Variants in SUCLG2 observed in about 807,000 individuals in gnomAD.
SUCLG2 encodes succinate-CoA ligase GDP-forming subunit beta, also known as succinate--CoA ligase [GDP-forming] subunit beta, mitochondrial.
In SUCLG2, 42 loss-of-function variants were observed where a neutral mutation model predicts 47.9. The ratio of observed to expected loss-of-function variants is 0.88; its 90% CI spans 0.69 to 1.14. The LOEUF is 1.14. Among genes scored for constraint, SUCLG2 ranks in the 50% most tolerant of loss-of-function variants. The probability of loss-of-function intolerance (pLI) is 0.00; values close to 1 mark genes in which losing one functional copy is unlikely to be tolerated. For missense variants in SUCLG2, 571 were observed against 525.9 expected (o/e 1.09, Z -0.84); for synonymous variants, 195 against 197.3 (o/e 0.99, Z 0.10).
At chr3:67,555,961 G>A (rs1575775392) in intron 2 of SUCLG2, among the ~76,000 whole-genome samples, 3 of 152,272 alleles carry the variant, frequency 2.0e-5, no homozygotes, top group Non-Finnish European at 4.4e-5. Context: ...CCTTCTGATG[G>A]GACATATATA....
chr3:67,401,641 T>A (rs74785909), intron 9 of SUCLG2, among the ~76,000 whole-genome samples: 8,056 of 149,896 alleles, frequency 0.054, 683 homozygotes, highest in African/African-American at 0.19. Flanking sequence ...AAATCCTGTA[T>A]AATTAACATG....
chr3:67,422,694 A>G (rs1266961363), intron 9 of SUCLG2, among the ~76,000 whole-genome samples: 2 of 151,980 alleles, frequency 1.3e-5, no homozygotes, highest in African/African-American at 4.8e-5. Flanking sequence ...ACATCTTATA[A>G]ACCATAAAGT....
intron 2 of SUCLG2, among the ~76,000 whole-genome samples, chr3:67,552,521 C>CA (rs2107198092): frequency 6.6e-6 from 1 of 152,318 alleles, no homozygotes; most frequent in Admixed American, 6.5e-5. Context: ...AACTTCTCTG[C>CA]AACACTGTTA....
chr3:67,538,910 T>C (rs1034777879), intron 2 of SUCLG2, among the ~76,000 whole-genome samples: 1 of 152,254 alleles, frequency 6.6e-6, no homozygotes, highest in African/African-American at 2.4e-5. Flanking sequence ...ATTGACTTTG[T>C]ATCCTGAGAC....
chr3:67,646,042 GC>G (rs1377906441), intron 1 of SUCLG2, among the ~76,000 whole-genome samples: 1 of 142,316 alleles, frequency 7.0e-6, no homozygotes, highest in Non-Finnish European at 1.5e-5. Context: ...CTGTGGGCAA[GC>G]CAATCAATGC....
At chr3:67,636,040 C>T (rs546399368) in intron 1 of SUCLG2, among the ~76,000 whole-genome samples, 4 of 152,270 alleles carry the variant, frequency 2.6e-5, no homozygotes, top group East Asian at 1.9e-4. Context: ...CAAGCTCAAG[C>T]GGAGATGTTC....
chr3:67,630,442 G>A (rs765567044), intron 1 of SUCLG2, among the ~76,000 whole-genome samples: 4 of 149,434 alleles, frequency 2.7e-5, no homozygotes, highest in Non-Finnish European at 4.5e-5. Context: ...TGCCATTAAC[G>A]CTATAAGCAT....
chr3:67,470,621 C>A (rs1340209720), intron 9 of SUCLG2, among the ~76,000 whole-genome samples: 2 of 152,182 alleles, frequency 1.3e-5, no homozygotes, highest in African/African-American at 2.4e-5. Flanking sequence ...CTGTCTCATA[C>A]ACTCTCTTGC....
At chr3:67,462,464 C>T (rs1704360848) in intron 9 of SUCLG2, among the ~76,000 whole-genome samples, 1 of 152,104 alleles carries the variant, frequency 6.6e-6, no homozygotes, top group African/African-American at 2.4e-5. Context: ...CAATCATGCC[C>T]ATCCAATGGA....
chr3:67,394,814 A>G (rs1304541091), intron 10 of SUCLG2, among the ~76,000 whole-genome samples: 1 of 151,914 alleles, frequency 6.6e-6, no homozygotes, highest in East Asian at 1.9e-4. Context: ...TCAGACTAAC[A>G]GCGGATCTCT....
At chr3:67,435,559 A>G (rs540928898) in intron 9 of SUCLG2, among the ~76,000 whole-genome samples, 5 of 152,336 alleles carry the variant, frequency 3.3e-5, no homozygotes, top group Admixed American at 3.3e-4. Context: ...CTCAGTGGGG[A>G]GAATGTACAT....
chr3:67,629,944 T>C (rs543020213), intron 1 of SUCLG2, among the ~76,000 whole-genome samples: 11 of 152,274 alleles, frequency 7.2e-5, no homozygotes, highest in African/African-American at 2.4e-4. Context: ...CATTACAGCA[T>C]TCTCTAATCC....
intron 1 of SUCLG2, among the ~76,000 whole-genome samples, chr3:67,615,283 T>C (rs754429978): frequency 3.3e-5 from 5 of 150,714 alleles, no homozygotes; most frequent in Admixed American, 6.6e-5. Context: ...CAAGAAATCA[T>C]CCTTCGCCCC....
intron 2 of SUCLG2, among the ~76,000 whole-genome samples, chr3:67,607,805 G>T (rs1042054165): frequency 3.3e-5 from 5 of 152,108 alleles, no homozygotes; most frequent in African/African-American, 1.2e-4. Context: ...GAGATCTAAT[G>T]GTTTTATAAA....
At chr3:67,485,121 A>AG (rs1258507454) in intron 9 of SUCLG2, among the ~76,000 whole-genome samples, 3 of 152,232 alleles carry the variant, frequency 2.0e-5, no homozygotes, top group Non-Finnish European at 4.4e-5. Context: ...TAGGTAGTTT[A>AG]GCATCCCAGC....
chr3:67,509,339 C>G (rs953911782), intron 6 of SUCLG2, among the ~76,000 whole-genome samples: 1 of 152,160 alleles, frequency 6.6e-6, no homozygotes, highest in Non-Finnish European at 1.5e-5. Flanking sequence ...CAATCCAACC[C>G]ATAATCTGTG....
chr3:67,599,062 C>T (rs533555254), intron 2 of SUCLG2, among the ~76,000 whole-genome samples: 1 of 152,312 alleles, frequency 6.6e-6, no homozygotes, highest in Admixed American at 6.5e-5. Context: ...TTAGGGTATA[C>T]AACTCTGCTA....
At chr3:67,620,528 T>C (rs1340766702) in intron 1 of SUCLG2, among the ~76,000 whole-genome samples, 1 of 126,982 alleles carries the variant, frequency 7.9e-6, no homozygotes, top group Non-Finnish European at 1.5e-5. Flanking sequence ...GAGGTTGCAG[T>C]GAAACGAGAA....
chr3:67,370,489 G>A (rs1479681632), downstream of SUCLG2, among the ~76,000 whole-genome samples: 3 of 152,138 alleles, frequency 2.0e-5, no homozygotes, highest in Non-Finnish European at 4.4e-5. Flanking sequence ...TACATGAAGA[G>A]TGATAAATAA....
Sources: allele counts gnomAD v4.1 joint callset (sites outside exome capture counted in the v4.1 genomes callset), GRCh38; gene constraint gnomAD v4.1.1; transcripts MANE v1.5; gene names NCBI Gene and HGNC (gene_info 2026-07-23, HGNC 2026-07-21).